Variants in FREM1 observed in about 807,000 individuals in gnomAD.
The protein encoded by FREM1 is FRAS1-related extracellular matrix protein 1.
In FREM1, 220 loss-of-function variants were observed where a neutral mutation model predicts 210.1. The observed-to-expected ratio is 1.05, with a 90% CI of 0.94 to 1.17. The LOEUF is 1.17. FREM1 is among the 50% of genes most tolerant of loss of function. The pLI is 0.00. For missense variants in FREM1, 3,454 were observed against 2,675.5 expected (o/e 1.29, Z -6.42); for synonymous variants, 1,189 against 980.2 (o/e 1.21, Z -3.98).
At chr9:14,838,710 A>G (rs1029393628) in intron 10 of FREM1, among the ~76,000 whole-genome samples, 4 of 152,222 alleles carry the variant, frequency 2.6e-5, no homozygotes, top group South Asian at 2.1e-4. Context: ...AGGGTCTACA[A>G]TGAGTCAGAT....
intron 1 of FREM1, among the ~76,000 whole-genome samples, chr9:14,909,700 TAAA>T (rs971739497): frequency 6.6e-6 from 1 of 152,228 alleles, no homozygotes; most frequent in Non-Finnish European, 1.5e-5. Flanking sequence ...TGTCACGTAA[TAAA>T]AAGAATCTCA....
intron 1 of FREM1, among the ~76,000 whole-genome samples, chr9:14,902,015 T>TG (rs1376208091): frequency 6.6e-6 from 1 of 151,594 alleles, no homozygotes; most frequent in East Asian, 1.9e-4. Context: ...ATGCCTGGTT[T>TG]TTTTTTTTTT....
At chr9:14,739,449 A>AATATAT (rs56320339) in intron 36 of FREM1, among the ~76,000 whole-genome samples, 76 of 132,358 alleles carry the variant, frequency 5.7e-4, no homozygotes, top group Non-Finnish European at 8.5e-4. Context: ...AATTATTTGG[A>AATATAT]ATATATATAT....
rs1308317236 is a variant in FREM1 at position 14,842,662 on chromosome 9, T to G, written c.1394-2A>C. On this transcript the variant is annotated splice_acceptor_variant, in intron 8 of 36. Transcript: ENST00000380880. LOFTEE classifies it high-confidence loss of function. The stretch of plus-strand genomic sequence containing the variant: ...CGGTGAAGAGAAACCCTTTCCCCCC[T>G]GAGGGAGAGAGCAGAGATGGAGCAG... The G allele has an allele frequency of 5.6e-6, 9 of 1,609,424 alleles. No individual in the cohort carries two copies. Among genetic ancestry groups the G allele is most frequent in the Non-Finnish European group, 7.6e-6 (9 of 1,176,918 alleles).
chr9:14,746,491 C>T (rs1842454410), intron 34 of FREM1, 23 bp from the exon 35 acceptor site: 7 of 1,568,814 alleles, frequency 4.5e-6, no homozygotes, highest in South Asian at 2.2e-5. Flanking sequence ...TGTCTGTGTT[C>T]ATATCATAAT....
chr9:14,861,262 C>T lies in FREM1; in HGVS notation c.330-1778G>A, dbSNP rs188229120. Among the ~76,000 whole-genome samples the T allele has an allele frequency of 3.6e-3, 244 of 67,966 alleles. 13 individuals carry two copies. Among genetic ancestry groups the T allele is most frequent in the African/African-American group, 0.018 (175 of 9,720 alleles). 44.6% of individuals were successfully genotyped at this position (67,966 alleles called of 152,430 possible). ...ATACACACATATATACATATATACACATATACACATATATACATATATACA... is the reference window on the plus strand; with the variant it reads ...ATACACACATATATACATATATACATATATACACATATATACATATATACA... On this transcript the variant is annotated intron_variant, in intron 3 of 36. Transcript: ENST00000380880.
rs757546567 is a variant in FREM1 at position 14,819,256 on chromosome 9, C to T, written c.2524G>A (p.Asp842Asn). 9.3e-6 allele frequency: 15 copies of T among 1,612,506 alleles called. 1 individual carries two copies. Among genetic ancestry groups the T allele is most frequent in the South Asian group, 8.8e-5 (8 of 90,880 alleles). Residue 842 changes from aspartate to asparagine, a missense_variant, in exon 14 of 37, where the codon GAT (aspartate) becomes AAT (asparagine). Transcript: ENST00000380880. ...AACCTAACTTTTAAGGTATGGAGAT[C>T]GCCCCAAGAAAATGTGCCCCCTGAA... ...LNSGGTFSWG[D>N]LHTLKVRYQH... is the part of the protein sequence containing the mutation.
At chr9:14,897,590 ATT>A (rs34932903) in intron 1 of FREM1, among the ~76,000 whole-genome samples, 2,158 of 146,154 alleles carry the variant, frequency 0.015, 36 homozygotes, top group African/African-American at 0.044. Context: ...TGTAATGATA[ATT>A]TTTTTTTTTT....
chr9:14,894,755 A>G (rs950204496), intron 1 of FREM1, among the ~76,000 whole-genome samples: 3 of 152,194 alleles, frequency 2.0e-5, no homozygotes, highest in African/African-American at 7.2e-5. Context: ...GTTTCTCTCT[A>G]CCTGATTTTG....
At chr9:14,796,464 G>T (rs1588037002) in intron 21 of FREM1, among the ~76,000 whole-genome samples, 1 of 152,178 alleles carries the variant, frequency 6.6e-6, no homozygotes, top group South Asian at 2.1e-4. Context: ...TGGGGCTATA[G>T]AAATAGAACT....
intron 27 of FREM1, among the ~76,000 whole-genome samples, chr9:14,761,771 C>T (rs1360933876): frequency 6.6e-6 from 1 of 152,184 alleles, no homozygotes; most frequent in Non-Finnish European, 1.5e-5. Flanking sequence ...ATGCTACCTG[C>T]CCATTAGTCA....
chr9:14,788,474 T>A (rs1850753112), intron 23 of FREM1, among the ~76,000 whole-genome samples: 1 of 152,328 alleles, frequency 6.6e-6, no homozygotes, highest in Admixed American at 6.5e-5. Flanking sequence ...AAGTTTATCT[T>A]TATTATTTTT....
At chr9:14,815,134 G>C (rs1240701627) in intron 15 of FREM1, among the ~76,000 whole-genome samples, 1 of 152,194 alleles carries the variant, frequency 6.6e-6, no homozygotes, top group East Asian at 1.9e-4. Flanking sequence ...CTGGCATAGA[G>C]AGGTGCACAG....
chr9:14,815,167 T>G (rs77779705), intron 15 of FREM1, among the ~76,000 whole-genome samples: 308 of 152,272 alleles, frequency 2.0e-3, no homozygotes, highest in Non-Finnish European at 3.6e-3. Flanking sequence ...AGTATGATCA[T>G]TATAATCACC....
intron 5 of FREM1, 142 bp from the exon 6 acceptor site, chr9:14,851,749 T>TGGGGA (rs1328750844): frequency 2.8e-6 from 2 of 723,234 alleles, no homozygotes; most frequent in Non-Finnish European, 4.8e-6. Flanking sequence ...TGGAATCACC[T>TGGGGA]GGGGAGCTTT....
chr9:14,794,347 G>C (rs1326998264), intron 21 of FREM1, among the ~76,000 whole-genome samples: 5 of 152,162 alleles, frequency 3.3e-5, no homozygotes, highest in Non-Finnish European at 1.5e-5. Flanking sequence ...GCTCCTAATG[G>C]ACAGGAAGCT....
At chr9:14,757,094 G>A (rs1410369168) in intron 28 of FREM1, among the ~76,000 whole-genome samples, 1 of 152,182 alleles carries the variant, frequency 6.6e-6, no homozygotes. Context: ...GACCCCGTCA[G>A]GTAGGTGTTT....
At chr9:14,769,147 C>T (rs980849731) in intron 27 of FREM1, among the ~76,000 whole-genome samples, 10 of 152,142 alleles carry the variant, frequency 6.6e-5, no homozygotes, top group Non-Finnish European at 1.3e-4. Context: ...GTTACTCTTG[C>T]TATTTTGAGG....
Position 14,829,133 on chromosome 9 carries a change from G to C in FREM1, c.1882-4141C>G, listed in dbSNP as rs568379618. Among the ~76,000 whole-genome samples, 3 of 152,246 alleles carry C rather than the reference G, an allele frequency of 2.0e-5. No individual in the cohort carries two copies. The South Asian group carries it at 6.2e-4, about 32-fold the overall frequency. On this transcript the variant is annotated intron_variant, in intron 10 of 36. Coordinates refer to ENST00000380880, the MANE Select transcript of FREM1 (RefSeq NM_001379081.2). ...AGCACAATTTTTTTTGTAGGTAGGA[G>C]GCACTTTATTAATGTTTGCAAACTG...
Sources: allele counts gnomAD v4.1 joint callset (sites outside exome capture counted in the v4.1 genomes callset), GRCh38; gene constraint gnomAD v4.1.1; transcripts MANE v1.5; gene names NCBI Gene and HGNC (gene_info 2026-07-23, HGNC 2026-07-21).